Variants in REEP1 observed in about 807,000 individuals in gnomAD.
The protein encoded by REEP1 is receptor accessory protein 1.
REEP1 carries 22 observed loss-of-function variants against 40.3 expected under a neutral mutation model. The observed-to-expected ratio is 0.55, with a 90% CI of 0.39 to 0.78. The LOEUF (loss-of-function observed/expected upper bound fraction) is 0.78. Ranked by LOEUF, REEP1 falls within the 30% of genes least tolerant of loss-of-function variation. REEP1 has a pLI of 0.00. For synonymous variants in REEP1, 116 were observed against 139.2 expected, an observed-to-expected ratio of 0.83 and a Z score of 1.17; for missense variants, 280 against 361.1, an observed-to-expected ratio of 0.78 and a Z score of 1.82.
chr2:86,263,283 G>T (rs1021849954), intron 3 of REEP1, among the ~76,000 whole-genome samples: 1 of 152,208 alleles, frequency 6.6e-6, no homozygotes, highest in Non-Finnish European at 1.5e-5. Context: ...AGGCTGGAGT[G>T]CAATGATGCG....
chr2:86,283,279 G>A (rs946069320), intron 1 of REEP1, among the ~76,000 whole-genome samples: 18 of 152,158 alleles, frequency 1.2e-4, no homozygotes, highest in African/African-American at 4.3e-4. Flanking sequence ...CCCTCAACAG[G>A]TATTTTTAAA....
chr2:86,254,018 A>G (rs1255363424), intron 4 of REEP1, among the ~76,000 whole-genome samples: 1 of 152,236 alleles, frequency 6.6e-6, no homozygotes, highest in Non-Finnish European at 1.5e-5. Context: ...AGAACTATCT[A>G]TATCAGGAAA....
chr2:86,242,834 G>T (rs995966499), intron 5 of REEP1, among the ~76,000 whole-genome samples: 11 of 152,138 alleles, frequency 7.2e-5, no homozygotes, highest in African/African-American at 2.7e-4. Context: ...GTGGAGGAAG[G>T]CCCAAATGCA....
intron 5 of REEP1, among the ~76,000 whole-genome samples, chr2:86,248,798 T>C (rs1676105645): frequency 6.6e-6 from 1 of 152,218 alleles, no homozygotes; most frequent in South Asian, 2.1e-4. Context: ...ATTATAAGCA[T>C]GCTTTACATT....
chr2:86,294,516 G>A (rs951703832), intron 1 of REEP1, among the ~76,000 whole-genome samples: 6 of 151,984 alleles, frequency 3.9e-5, no homozygotes, highest in African/African-American at 9.7e-5. Flanking sequence ...TGTTTGATGC[G>A]ACAATGCTAT....
At chr2:86,338,071 C>A (rs1275274294), upstream of REEP1, 1 of 1,537,266 alleles carries the variant, frequency 6.5e-7, no homozygotes, top group African/African-American at 1.4e-5. Flanking sequence ...TCAGCACTTT[C>A]TGCATAAGAA....
chr2:86,230,185 C>G (rs940298648), intron 6 of REEP1, among the ~76,000 whole-genome samples: 9 of 152,244 alleles, frequency 5.9e-5, no homozygotes, highest in Non-Finnish European at 1.0e-4. Context: ...GTGGCAGAGC[C>G]AGTGCCAAAG....
At chr2:86,266,874 G>A (rs1452459940) in intron 2 of REEP1, among the ~76,000 whole-genome samples, 1 of 151,802 alleles carries the variant, frequency 6.6e-6, no homozygotes, top group Non-Finnish European at 1.5e-5. Flanking sequence ...GGGCATGGTG[G>A]TGGGCACCTG....
At chr2:86,238,972 C>T (rs1036414320) in intron 5 of REEP1, among the ~76,000 whole-genome samples, 3 of 152,066 alleles carry the variant, frequency 2.0e-5, no homozygotes. Context: ...AGAAAGGCTA[C>T]GTGGTTTCTT....
At chr2:86,220,210 C>T in intron 7 of REEP1, 89 bp from the exon 8 acceptor site, 1 of 898,298 alleles carries the variant, frequency 1.1e-6, no homozygotes, top group African/African-American at 1.7e-5. Context: ...AGGTTAGGCA[C>T]ACAGCACAGC....
chr2:86,300,569 C>T (rs999617209), intron 1 of REEP1, among the ~76,000 whole-genome samples: 4 of 152,134 alleles, frequency 2.6e-5, no homozygotes, highest in Admixed American at 2.6e-4. Flanking sequence ...ACCAGACACA[C>T]AGAGAGAGTC....
chr2:86,238,123 G>T (rs1052783013), intron 5 of REEP1, among the ~76,000 whole-genome samples: 1 of 152,104 alleles, frequency 6.6e-6, no homozygotes, highest in South Asian at 2.1e-4. Context: ...AGAGGTTGAG[G>T]TGAGCCGAGA....
At chr2:86,233,781 A>G (rs1675151380) in intron 5 of REEP1, among the ~76,000 whole-genome samples, 2 of 152,190 alleles carry the variant, frequency 1.3e-5, no homozygotes, top group African/African-American at 4.8e-5. Flanking sequence ...ACATCTTCAG[A>G]AAGAAGAAAG....
chr2:86,299,492 C>T (rs1283519566), intron 1 of REEP1, among the ~76,000 whole-genome samples: 2 of 152,194 alleles, frequency 1.3e-5, no homozygotes, highest in Non-Finnish European at 2.9e-5. Context: ...TTTTATAAAA[C>T]CTTTTCCTGA....
At chr2:86,261,607 G>A (rs1413295541) in intron 3 of REEP1, among the ~76,000 whole-genome samples, 1 of 152,196 alleles carries the variant, frequency 6.6e-6, no homozygotes, top group Non-Finnish European at 1.5e-5. Flanking sequence ...AGCCCGCAGG[G>A]ACCTCTGCCT....
intron 1 of REEP1, among the ~76,000 whole-genome samples, chr2:86,289,358 A>G (rs1023319963): frequency 1.3e-5 from 2 of 152,184 alleles, no homozygotes; most frequent in Non-Finnish European, 2.9e-5. Flanking sequence ...TCAGCTCTCT[A>G]TTTGACTGAT....
At chr2:86,266,087 C>T (rs1001132604) in intron 2 of REEP1, among the ~76,000 whole-genome samples, 11 of 152,032 alleles carry the variant, frequency 7.2e-5, no homozygotes, top group African/African-American at 2.7e-4. Flanking sequence ...GAAACAGATC[C>T]ACAGATGACT....
intron 2 of REEP1, among the ~76,000 whole-genome samples, chr2:86,272,621 T>C (rs1677518743): frequency 6.6e-6 from 1 of 152,208 alleles, no homozygotes; most frequent in South Asian, 2.1e-4. Flanking sequence ...AAACTGTACA[T>C]TCCTCACCTA....
intron 6 of REEP1, among the ~76,000 whole-genome samples, chr2:86,230,647 A>AACAATG (rs1240236128): frequency 1.3e-5 from 2 of 152,250 alleles, no homozygotes; most frequent in African/African-American, 4.8e-5. Flanking sequence ...TTACAAAAAG[A>AACAATG]ACAATGATAA....
Sources: gnomAD v4.1 joint callset for allele counts (sites outside exome capture counted in the v4.1 genomes callset) on GRCh38, gnomAD v4.1.1 for gene constraint, MANE v1.5 for transcripts, NCBI Gene and HGNC (gene_info 2026-07-23, HGNC 2026-07-21) for gene names.